The following MLANA variants were observed in gnomAD, a reference collection of about 807,000 sequenced individuals.
MLANA encodes melanoma antigen recognized by T-cells 1.
A neutral mutation model predicts 15.7 loss-of-function variants in MLANA; 21 were observed. That is an observed-to-expected ratio of 1.33 (90% confidence interval 0.95 to 1.92). MLANA has a LOEUF of 1.92. MLANA is among the 40% of genes most tolerant of loss of function. The pLI is 0.00. For synonymous variants in MLANA, 56 were observed against 51.5 expected (o/e 1.09, Z -0.37); for missense variants, 164 against 143.8 (o/e 1.14, Z -0.72).
chr9:5,908,541 C>A, intron 4 of MLANA, 99 bp from the exon 5 acceptor site: 2 of 1,067,678 alleles, frequency 1.9e-6, no homozygotes, highest in Non-Finnish European at 2.8e-6. Context: ...TTTCAGTCCA[C>A]AGGGAAAGTA....
chr9:5,904,755 G>A (rs113063901), intron 3 of MLANA, among the ~76,000 whole-genome samples: 12,396 of 150,048 alleles, frequency 0.083, 1,614 homozygotes, highest in African/African-American at 0.28. Flanking sequence ...GTGAGCCACC[G>A]CGCCCAGTCC....
rs900436389 is a variant in MLANA at position 5,908,150 on chromosome 9, T to A, written c.289-490T>A. ...CGAGTTAACCTCTCTGTGCCCCAGT[T>A]TCCCATTCTGTAACATGAAAATAAT... On this transcript the variant is annotated intron_variant, in intron 4 of 4. Transcript: ENST00000381477. Among the ~76,000 whole-genome samples the A allele has an allele frequency of 3.6e-4, 55 of 152,202 alleles. 1 individual carries two copies. Among genetic ancestry groups the A allele is most frequent in the Non-Finnish European group, 1.3e-4 (9 of 68,024 alleles).
intron 1 of MLANA, chr9:5,891,309 G>C (rs1449665209): frequency 2.6e-5 from 4 of 152,204 alleles, no homozygotes; most frequent in Non-Finnish European, 5.9e-5. Flanking sequence ...TGAGGTATGG[G>C]ATGTATTAAA....
At chr9:5,901,571 T>C (rs1007334092) in intron 3 of MLANA, among the ~76,000 whole-genome samples, 2 of 152,092 alleles carry the variant, frequency 1.3e-5, no homozygotes, top group Admixed American at 1.3e-4. Context: ...CAGGCTGGAG[T>C]GCAGTGGCTC....
intron 4 of MLANA, chr9:5,907,249 G>A (rs1202827630): frequency 1.6e-5 from 4 of 254,838 alleles, no homozygotes; most frequent in African/African-American, 4.5e-5. Context: ...GTGTTTCCAG[G>A]GTCAATAATG....
chr9:5,910,057 T>C lies in MLANA; in HGVS notation c.*1349T>C, dbSNP rs1833072641. 6.6e-6 allele frequency: 1 copy of C among 152,224 alleles called. No homozygotes were observed. The highest frequency in any genetic ancestry group is 2.1e-4 in the South Asian group (1 of 4,834). The allele number at this position is 152,224 out of a possible 1,614,324, so 9.4% of individuals were successfully genotyped here. On this transcript the variant is annotated 3_prime_UTR_variant, in exon 5 of 5. Coordinates refer to ENST00000381477, the MANE Select transcript of MLANA (RefSeq NM_005511.2). ...TAATTTTTTTAACCTAAGAAAATAC[T>C]AATGGTCACAGAAGGCTATGAACCT...
At position 5,894,487 on chromosome 9, in the gene MLANA, C is replaced by T. The variant is rs944561744; in HGVS notation, c.77+1936C>T. ...CAGGACCTAGAGTTGGGAGGAGGGA[C>T]GCCACAGAAATGGGACCCAGATCTC... On this transcript the variant is annotated intron_variant, in intron 2 of 4. Transcript: ENST00000381477. The surrounding 1 kb of genome is among the most constrained non-coding windows in gnomAD (Gnocchi z 4.0). Among the ~76,000 whole-genome samples the T allele has an allele frequency of 1.3e-5, 2 of 152,072 alleles. No individual in the cohort carries two copies. Among genetic ancestry groups the T allele is most frequent in the Non-Finnish European group, 2.9e-5 (2 of 68,022 alleles).
At chr9:5,901,836 T>A (rs1832449444) in intron 3 of MLANA, among the ~76,000 whole-genome samples, 1 of 152,232 alleles carries the variant, frequency 6.6e-6, no homozygotes, top group African/African-American at 2.4e-5. Context: ...TTCTCAATAT[T>A]GAACCAGGTT....
rs953691412 is a variant in MLANA at position 5,894,329 on chromosome 9, A to G, written c.77+1778A>G. ...GATGGTTCAACATAGAGACTTTAAT[A>G]TAAGAAGCTGGTTAAACAGGCATGG... On this transcript the variant is annotated intron_variant, in intron 2 of 4. Coordinates refer to ENST00000381477, the MANE Select transcript of MLANA (RefSeq NM_005511.2). This position sits in a 1 kb window ranked among gnomAD's most constrained non-coding sequence, Gnocchi z 4.0. Among the ~76,000 whole-genome samples the G allele has an allele frequency of 3.3e-5, 5 of 152,140 alleles. No homozygotes were observed. Among genetic ancestry groups the G allele is most frequent in the Non-Finnish European group, 7.3e-5 (5 of 68,030 alleles).
chr9:5,891,577 A>T (rs1831659686), intron 1 of MLANA, among the ~76,000 whole-genome samples: 1 of 152,208 alleles, frequency 6.6e-6, no homozygotes, highest in Non-Finnish European at 1.5e-5. Context: ...GAAATTCATG[A>T]GGACAGTAAG....
At chr9:5,903,178 C>T (rs1832558044) in intron 3 of MLANA, among the ~76,000 whole-genome samples, 1 of 152,140 alleles carries the variant, frequency 6.6e-6, no homozygotes, top group Admixed American at 6.5e-5. Context: ...CTATTATAGT[C>T]TAAGTGCAAA....
At position 5,897,589 on chromosome 9, in the gene MLANA, T is replaced by A. The variant is rs748558945; in HGVS notation, c.110T>A (p.Leu37Gln). The A allele has an allele frequency of 1.2e-6, 2 of 1,614,046 alleles. No individual in the cohort carries two copies. Among genetic ancestry groups the A allele is most frequent in the African/African-American group, 2.7e-5 (2 of 74,948 alleles). The stretch of plus-strand genomic sequence containing the variant: ...GGGATCGGCATCCTGACAGTGATCC[T>A]GGGAGTCTTACTGCTCATCGGCTGT... ...AAGIGILTVI[L>Q]GVLLLIGCWY... Residue 37 changes from leucine to glutamine, a missense_variant, in exon 3 of 5, where the codon CTG becomes CAG. By Grantham distance (113) the Leu-to-Gln change is moderately radical. Transcript: ENST00000381477.
At chr9:5,905,035 A>C (rs1563820265) in intron 3 of MLANA, among the ~76,000 whole-genome samples, 1 of 152,076 alleles carries the variant, frequency 6.6e-6, no homozygotes, top group Admixed American at 6.6e-5. Context: ...GACCTCCCAA[A>C]GTGCTGCGAT....
At chr9:5,902,369 T>A (rs1042187448) in intron 3 of MLANA, among the ~76,000 whole-genome samples, 5 of 152,226 alleles carry the variant, frequency 3.3e-5, no homozygotes, top group Admixed American at 1.3e-4. Context: ...TTTTATTTCT[T>A]AGCCTAGCTA....
Position 5,908,803 on chromosome 9 carries a change from G to A in MLANA, c.*95G>A, listed in dbSNP as rs1832982776. The A allele has an allele frequency of 8.7e-6, 11 of 1,266,652 alleles. No homozygotes were observed. Among genetic ancestry groups the A allele is most frequent in the South Asian group, 7.6e-5 (6 of 78,970 alleles). 78.5% of individuals were successfully genotyped at this position (1,266,652 alleles called of 1,614,324 possible). A position where few individuals can be genotyped will look rare whatever the true frequency, so the allele number is the denominator to read the frequency against. ...ATCTAATGTTCTCCTTTGGAATGGT[G>A]TAGGAAAAATGCAAGCCATCTCTAA... On this transcript the variant is annotated 3_prime_UTR_variant, in exon 5 of 5. Coordinates refer to ENST00000381477, the MANE Select transcript of MLANA (RefSeq NM_005511.2).
chr9:5,908,491 T>C (rs1405118472), intron 4 of MLANA, 149 bp from the exon 5 acceptor site: 7 of 706,404 alleles, frequency 9.9e-6, no homozygotes, highest in South Asian at 3.8e-5. Flanking sequence ...AATTTAACAA[T>C]TACTTCACTG....
Position 5,894,705 on chromosome 9 carries a change from T to A in MLANA, c.77+2154T>A, listed in dbSNP as rs1171876742. Among the ~76,000 whole-genome samples the A allele has an allele frequency of 6.6e-6, 1 of 152,090 alleles. No individual in the cohort carries two copies. The highest frequency in any genetic ancestry group is 6.5e-5 in the Admixed American group (1 of 15,268). ...GACAATGTGAGCATTGCTGGGGTGATCCTGACAGGAGCCAGAAGCACACTG... is the reference window on the plus strand; with the variant it reads ...GACAATGTGAGCATTGCTGGGGTGAACCTGACAGGAGCCAGAAGCACACTG... On this transcript the variant is annotated intron_variant, in intron 2 of 4. Coordinates refer to ENST00000381477, the MANE Select transcript of MLANA (RefSeq NM_005511.2). This position sits in a 1 kb window ranked among gnomAD's most constrained non-coding sequence, Gnocchi z 4.0.
intron 3 of MLANA, among the ~76,000 whole-genome samples, chr9:5,901,496 T>C (rs1232191460): frequency 6.6e-6 from 1 of 152,184 alleles, no homozygotes; most frequent in Non-Finnish European, 1.5e-5. Flanking sequence ...TTTAGTCTAT[T>C]GATGTATCAG....
chr9:5,908,090 C>T (rs1237999130), intron 4 of MLANA, among the ~76,000 whole-genome samples: 3 of 152,234 alleles, frequency 2.0e-5, no homozygotes, highest in Non-Finnish European at 4.4e-5. Context: ...TGATTCTTAG[C>T]TCCACAACTT....
Sources: allele counts gnomAD v4.1 joint callset (sites outside exome capture counted in the v4.1 genomes callset), GRCh38; gene constraint gnomAD v4.1.1; non-coding constraint Gnocchi (gnomAD v3.1); transcripts MANE v1.5; gene names NCBI Gene and HGNC (gene_info 2026-07-23, HGNC 2026-07-21).